The following LHB variants were observed in gnomAD, a reference collection of about 807,000 sequenced individuals.
LHB encodes the protein luteinizing hormone subunit beta.
In LHB, 11 loss-of-function variants were observed where a neutral mutation model predicts 10.6. The observed-to-expected ratio is 1.04, with a 90% CI of 0.66 to 1.72. LHB has a LOEUF of 1.72. LHB is among the 40% of genes most tolerant of loss of function. The pLI, the probability that LHB is intolerant of heterozygous loss-of-function variation, is 0.00. For missense variants in LHB, 184 were observed against 197.3 expected (o/e 0.93, Z 0.41); for synonymous variants, 86 against 83.1 (o/e 1.03, Z -0.19).
chr19:49,019,015 G>A (rs758904304), upstream of LHB: 61 of 1,529,110 alleles, frequency 4.0e-5, no homozygotes, highest in Middle Eastern at 2.3e-4. Context: ...GCAAGATTGG[G>A]GGAGGAGGCA....
At chr19:49,017,194 G>C, upstream of LHB, 7 of 1,541,822 alleles carry the variant, frequency 4.5e-6, no homozygotes, top group Admixed American at 3.3e-5. Context: ...TAATCCCCCC[G>C]GGGGCGAGAG....
At chr19:49,019,152 C>T (rs1333280049), upstream of LHB, 126 of 1,412,456 alleles carry the variant, frequency 8.9e-5, no homozygotes, top group Non-Finnish European at 1.1e-4. Flanking sequence ...AGAGCCCTTC[C>T]TGCCACCCAC....
At chr19:49,017,733 T>G (rs1422709707), upstream of LHB, 1 of 443,522 alleles carries the variant, frequency 2.3e-6, no homozygotes, top group Non-Finnish European at 3.7e-6. Context: ...GCCCGCAGGG[T>G]GCGTGTCTTG....
chr19:49,017,023 G>T (rs373995720), intron 1 of LHB, 44 bp downstream of exon 1: 9 of 1,613,124 alleles, frequency 5.6e-6, no homozygotes, highest in Admixed American at 5.0e-5. Flanking sequence ...GCCAGTGATG[G>T]CCTGGAAGGA....
upstream of LHB, chr19:49,019,335 G>T: frequency 8.5e-7 from 1 of 1,180,690 alleles, no homozygotes; most frequent in Non-Finnish European, 1.1e-6. Context: ...CTGGAGCTGA[G>T]CTGCATCTTG....
chr19:49,019,427 G>A, upstream of LHB: 1 of 1,255,624 alleles, frequency 8.0e-7, no homozygotes, highest in Middle Eastern at 3.0e-4. Flanking sequence ...CCCACAGCCC[G>A]CCGTCTAGCT....
In LHB at chr19:49,016,037, G is replaced by C; in HGVS notation, c.*31C>G. ...CGGGGTGTCAGGGCTCCAGGAGTCG[G>C]GATGGACTTGGAAGGCTGCGGGGAG... On this transcript the variant is annotated 3_prime_UTR_variant, in exon 3 of 3. Transcript: ENST00000649238. 1 of 1,613,974 alleles carries C rather than the reference G, an allele frequency of 6.2e-7. No homozygotes were observed.
upstream of LHB, chr19:49,017,919 G>C (rs1218241342): frequency 7.0e-5 from 28 of 398,312 alleles, no homozygotes; most frequent in Middle Eastern, 6.2e-4. Flanking sequence ...AGCTCCGCTC[G>C]GCAGCGCGGC....
At chr19:49,018,290 A>G (rs2039591498), upstream of LHB, 3 of 1,165,356 alleles carry the variant, frequency 2.6e-6, no homozygotes, top group African/African-American at 4.8e-5. Flanking sequence ...CGTCTCTTCG[A>G]AGCTCCAGTA....
At position 49,016,213 on chromosome 19, in the gene LHB, C is replaced by T. The variant is rs751607427; in HGVS notation, c.281G>A (p.Arg94His). ...GAAGGAGACCACGGGGTCCACACCACGCGGGCAGCCAGGGAGCCGGATGGA... is the reference window on the plus strand; with the variant it reads ...GAAGGAGACCACGGGGTCCACACCATGCGGGCAGCCAGGGAGCCGGATGGA... ...FESIRLPGCP[R>H]GVDPVVSFPV... Residue 94 changes from arginine to histidine, a missense_variant, in exon 3 of 3, where the codon CGT (arginine) becomes CAT (histidine). Transcript: ENST00000649238. 13 of 1,612,400 alleles carry T rather than the reference C, an allele frequency of 8.1e-6. No individual in the cohort carries two copies. The highest frequency in any genetic ancestry group is 1.7e-5 in the Admixed American group (1 of 60,000).
chr19:49,016,186 G>A lies in LHB; in HGVS notation c.308C>T (p.Pro103Leu). Residue 103 changes from proline to leucine, a missense_variant, in exon 3 of 3, where the codon CCT (proline) becomes CTT (leucine). Coordinates refer to ENST00000649238, the MANE Select transcript of LHB (RefSeq NM_000894.3). The stretch of plus-strand genomic sequence containing the variant: ...TCCACAGCGACAGCTGAGAGCCACA[G>A]GGAAGGAGACCACGGGGTCCACACC... ...PRGVDPVVSF[P>L]VALSCRCGPC... 4 of 1,612,704 alleles carry A rather than the reference G, an allele frequency of 2.5e-6. No homozygotes were observed. Among genetic ancestry groups the A allele is most frequent in the Non-Finnish European group, 3.4e-6 (4 of 1,179,986 alleles).
upstream of LHB, chr19:49,017,425 A>G (rs539952750): frequency 2.7e-4 from 302 of 1,139,590 alleles, no homozygotes; most frequent in African/African-American, 3.9e-3. Context: ...GGAGGAGGCC[A>G]TGACCCGAGA....
chr19:49,018,793 G>T, upstream of LHB: 1 of 1,258,654 alleles, frequency 7.9e-7, no homozygotes, highest in African/African-American at 1.5e-5. Context: ...CAGGGAATGG[G>T]AGCCAGCCCA....
At chr19:49,018,326 C>G, upstream of LHB, 1 of 1,218,058 alleles carries the variant, frequency 8.2e-7, no homozygotes, top group Non-Finnish European at 1.0e-6. Flanking sequence ...GCGGGGGTAT[C>G]CGGACAGCTC....
chr19:49,018,400 CCTCGGGATCTAAGGAGT>C (rs2039592302), upstream of LHB: 1 of 1,039,580 alleles, frequency 9.6e-7, no homozygotes, highest in Admixed American at 4.2e-5. Flanking sequence ...GAGTTTCAGA[CCTCGGGATCTAAGGAGT>C]CTGCACATTC....
upstream of LHB, chr19:49,018,847 C>G: frequency 2.6e-6 from 4 of 1,511,606 alleles, no homozygotes; most frequent in Non-Finnish European, 2.7e-6. Context: ...GTGCAGGAGG[C>G]GGTGCCGAGC....
upstream of LHB, chr19:49,017,493 A>G: frequency 8.8e-7 from 1 of 1,136,582 alleles, no homozygotes; most frequent in Non-Finnish European, 1.1e-6. Flanking sequence ...CCACAGTCCA[A>G]CCTAACAGGA....
At chr19:49,016,869 C>T in intron 1 of LHB, 155 bp from the exon 2 acceptor site, 1 of 1,574,086 alleles carries the variant, frequency 6.4e-7, no homozygotes, top group African/African-American at 1.3e-5. Flanking sequence ...TTTCAGAGCC[C>T]ACCCCACAGC....
chr19:49,017,713 T>A, upstream of LHB: 1 of 484,708 alleles, frequency 2.1e-6, no homozygotes, highest in Non-Finnish European at 3.2e-6. Context: ...TTTAACTCAT[T>A]ATTTAATACG....
Sources: gnomAD v4.1 joint callset for allele counts on GRCh38, gnomAD v4.1.1 for gene constraint, MANE v1.5 for transcripts, NCBI Gene and HGNC (gene_info 2026-07-23, HGNC 2026-07-21) for gene names.